The following CMTM7 variants were observed in gnomAD, a reference collection of about 807,000 sequenced individuals.
CMTM7 encodes CKLF like MARVEL transmembrane domain containing 7.
A neutral mutation model predicts 19.3 loss-of-function variants in CMTM7; 7 were observed. That is an observed-to-expected ratio of 0.36 (90% CI 0.21 to 0.68). The LOEUF (loss-of-function observed/expected upper bound fraction) is 0.68. Among genes scored for constraint, CMTM7 ranks in the 30% least tolerant of loss-of-function variants. The pLI is 0.60. For synonymous variants in CMTM7, 87 were observed against 99.3 expected (o/e 0.88, Z 0.74); for missense variants, 193 against 232.6 (o/e 0.83, Z 1.11).
intron 1 of CMTM7, among the ~76,000 whole-genome samples, chr3:32,396,539 T>C (rs1695921718): frequency 6.6e-6 from 1 of 152,112 alleles, no homozygotes; most frequent in African/African-American, 2.4e-5. Context: ...AAATTGGTGA[T>C]GGTGATGTTG....
chr3:32,416,155 A>G (rs536948434), intron 1 of CMTM7, among the ~76,000 whole-genome samples: 49 of 152,054 alleles, frequency 3.2e-4, no homozygotes, highest in African/African-American at 9.6e-4. Flanking sequence ...TGAGATCAGC[A>G]TTGTTCTAAT....
intron 1 of CMTM7, among the ~76,000 whole-genome samples, chr3:32,399,078 T>C (rs1381882576): frequency 4.6e-5 from 7 of 151,760 alleles, no homozygotes; most frequent in Non-Finnish European, 8.8e-5. Flanking sequence ...GGTGGGAGTA[T>C]TGGGGATGAG....
At chr3:32,399,291 G>C (rs1314584072) in intron 1 of CMTM7, among the ~76,000 whole-genome samples, 1 of 149,732 alleles carries the variant, frequency 6.7e-6, no homozygotes, top group African/African-American at 2.5e-5. Flanking sequence ...TTGTCACAGG[G>C]ATTAGGGTTA....
At chr3:32,432,936 G>A (rs767437387) in intron 1 of CMTM7, among the ~76,000 whole-genome samples, 6 of 152,084 alleles carry the variant, frequency 3.9e-5, no homozygotes, top group Admixed American at 6.5e-5. Context: ...GGAGATGACC[G>A]TCCACAGCCC....
intron 1 of CMTM7, among the ~76,000 whole-genome samples, chr3:32,397,607 G>A (rs895135645): frequency 3.9e-5 from 6 of 152,078 alleles, no homozygotes; most frequent in African/African-American, 7.2e-5. Context: ...GGTGGCACAC[G>A]CCTGTAGTCC....
At chr3:32,446,288 G>C (rs778603449) in intron 2 of CMTM7, among the ~76,000 whole-genome samples, 1 of 151,958 alleles carries the variant, frequency 6.6e-6, no homozygotes, top group Non-Finnish European at 1.5e-5. Flanking sequence ...GAATTTATTG[G>C]CATGCAATTG....
intron 1 of CMTM7, among the ~76,000 whole-genome samples, chr3:32,430,201 C>G (rs910758345): frequency 1.3e-5 from 2 of 152,204 alleles, no homozygotes; most frequent in East Asian, 1.9e-4. Flanking sequence ...TCACACCCCC[C>G]CCAAAAGATC....
chr3:32,453,325 G>A (rs1696864661), intron 4 of CMTM7, among the ~76,000 whole-genome samples: 1 of 152,038 alleles, frequency 6.6e-6, no homozygotes, highest in Non-Finnish European at 1.5e-5. Context: ...ACACTACCCA[G>A]AAGTAGCACT....
chr3:32,399,352 T>C (rs1254334457), intron 1 of CMTM7, among the ~76,000 whole-genome samples: 3 of 151,908 alleles, frequency 2.0e-5, no homozygotes, highest in African/African-American at 7.3e-5. Flanking sequence ...AACTGGAATT[T>C]TGACAGTGCA....
At chr3:32,416,532 A>G (rs1478578603) in intron 1 of CMTM7, among the ~76,000 whole-genome samples, 5 of 142,024 alleles carry the variant, frequency 3.5e-5, no homozygotes, top group Non-Finnish European at 6.1e-5. Flanking sequence ...CTGGGACTAC[A>G]GGCGCCCGCC....
intron 1 of CMTM7, among the ~76,000 whole-genome samples, chr3:32,420,868 T>A (rs1206785695): frequency 6.6e-6 from 1 of 152,200 alleles, no homozygotes; most frequent in Non-Finnish European, 1.5e-5. Flanking sequence ...CGGTTTAGTT[T>A]ATGGCAGAGT....
chr3:32,407,238 C>T (rs1287194082), intron 1 of CMTM7, among the ~76,000 whole-genome samples: 1 of 152,136 alleles, frequency 6.6e-6, no homozygotes, highest in Non-Finnish European at 1.5e-5. Flanking sequence ...GTTTTCTTGC[C>T]CAGGCATGCC....
chr3:32,454,180 T>C (rs1405149614), intron 4 of CMTM7, 61 bp from the exon 5 acceptor site: 1 of 1,544,920 alleles, frequency 6.5e-7, no homozygotes, highest in East Asian at 2.3e-5. Context: ...ACCTGTGGAG[T>C]GTGGCTTGTG....
chr3:32,442,774 C>A (rs1696700515), intron 2 of CMTM7, among the ~76,000 whole-genome samples: 1 of 152,126 alleles, frequency 6.6e-6, no homozygotes, highest in African/African-American at 2.4e-5. Flanking sequence ...CATTGAGATG[C>A]AGTTCATATG....
In CMTM7 at chr3:32,454,251, C is replaced by A. The variant is rs1559417083; in HGVS notation, c.525C>A (p.Val175=). The change falls in exon 5 of 5, where the codon GTC becomes GTA. Residue 175 remains valine, a synonymous_variant. Coordinates refer to ENST00000334983, the MANE Select transcript of CMTM7 (RefSeq NM_138410.4). ...SCVTQSTDAA[V] ...CATTTCCTTCCCAAGATGCAGCCGT[C>A]TGATGAGGCCACAACCCCTAGGCCC... The A allele has an allele frequency of 1.9e-6, 3 of 1,605,228 alleles. No individual in the cohort carries two copies. Among genetic ancestry groups the A allele is most frequent in the Non-Finnish European group, 2.6e-6 (3 of 1,173,210 alleles).
intron 1 of CMTM7, among the ~76,000 whole-genome samples, chr3:32,426,727 A>G (rs1696438875): frequency 6.6e-6 from 1 of 152,190 alleles, no homozygotes; most frequent in Admixed American, 6.5e-5. Flanking sequence ...CACTTTTATA[A>G]CACTGTCATG....
chr3:32,414,044 G>A (rs11922719), intron 1 of CMTM7, among the ~76,000 whole-genome samples: 4,590 of 152,188 alleles, frequency 0.03, 247 homozygotes, highest in African/African-American at 0.1. Flanking sequence ...TCTGAAGAGC[G>A]GTCCTAGCTT....
At chr3:32,431,340 C>T (rs746040022) in intron 1 of CMTM7, among the ~76,000 whole-genome samples, 11 of 152,028 alleles carry the variant, frequency 7.2e-5, no homozygotes, top group Non-Finnish European at 1.6e-4. Context: ...TTTTTGTTTT[C>T]TTAAATAGAC....
chr3:32,441,061 C>T (rs1696668727), intron 1 of CMTM7, among the ~76,000 whole-genome samples: 1 of 152,194 alleles, frequency 6.6e-6, no homozygotes, highest in Admixed American at 6.5e-5. Context: ...AGCAGCCTCA[C>T]CTCTTAAACA....
Sources: allele counts gnomAD v4.1 joint callset (sites outside exome capture counted in the v4.1 genomes callset), GRCh38; gene constraint gnomAD v4.1.1; transcripts MANE v1.5; gene names NCBI Gene and HGNC (gene_info 2026-07-23, HGNC 2026-07-21).